ACER3: variants seen among roughly 807,000 people sequenced by gnomAD.
The protein encoded by ACER3 is alkaline ceramidase 3.
ACER3 carries 16 observed loss-of-function variants against 48.9 expected under a neutral mutation model. That is an observed-to-expected ratio of 0.33 (90% CI 0.22 to 0.50). The LOEUF is 0.50. Among genes scored for constraint, ACER3 ranks in the 20% least tolerant of loss-of-function variants. The probability of loss-of-function intolerance (pLI) is 0.98; values close to 1 mark genes in which losing one functional copy is unlikely to be tolerated. For synonymous variants in ACER3, 109 were observed against 107.8 expected (o/e 1.01, Z -0.07); for missense variants, 227 against 326.0 (o/e 0.70, Z 2.34).
intron 1 of ACER3, among the ~76,000 whole-genome samples, chr11:76,892,239 C>G (rs2134626117): frequency 6.6e-6 from 1 of 152,214 alleles, no homozygotes; most frequent in East Asian, 1.9e-4. Context: ...AATAAAGTCA[C>G]TAGTATGGTT....
intron 7 of ACER3, among the ~76,000 whole-genome samples, chr11:77,011,130 G>A (rs782600989): frequency 3.9e-5 from 6 of 152,170 alleles, no homozygotes; most frequent in Non-Finnish European, 5.9e-5. Flanking sequence ...AGACAGGCAG[G>A]CAGTCCAGAA....
chr11:76,883,412 G>A (rs1317007368), intron 1 of ACER3, among the ~76,000 whole-genome samples: 4 of 140,636 alleles, frequency 2.8e-5, no homozygotes, highest in South Asian at 2.3e-4. Flanking sequence ...TCATTTTGGC[G>A]TTGCTTCTTT....
At chr11:76,971,350 G>T (rs1451876009) in intron 3 of ACER3, among the ~76,000 whole-genome samples, 1 of 152,030 alleles carries the variant, frequency 6.6e-6, no homozygotes, top group Non-Finnish European at 1.5e-5. Flanking sequence ...GACCATCCTG[G>T]CCAACATGGT....
At chr11:76,958,934 C>T in intron 2 of ACER3, 45 bp from the exon 3 acceptor site, 1 of 1,600,660 alleles carries the variant, frequency 6.2e-7, no homozygotes, top group South Asian at 1.1e-5. Flanking sequence ...ACTGTCCACG[C>T]ACAAAGAATT....
intron 7 of ACER3, among the ~76,000 whole-genome samples, chr11:77,000,998 G>T (rs1555019671): frequency 6.6e-6 from 1 of 152,216 alleles, no homozygotes; most frequent in Non-Finnish European, 1.5e-5. Flanking sequence ...ATATCAATTT[G>T]CAGAGCTGAC....
chr11:76,891,529 G>A (rs1156963987), intron 1 of ACER3, among the ~76,000 whole-genome samples: 1 of 152,098 alleles, frequency 6.6e-6, no homozygotes, highest in Non-Finnish European at 1.5e-5. Flanking sequence ...TCTGAGTTAT[G>A]TGAGCCATTA....
At chr11:77,019,672 C>T in intron 9 of ACER3, 59 bp from the exon 10 acceptor site, 2 of 1,533,734 alleles carry the variant, frequency 1.3e-6, no homozygotes, top group Non-Finnish European at 1.8e-6. Flanking sequence ...GTCAGTACGC[C>T]AGTTTGCATG....
At chr11:76,899,883 A>G (rs896224806) in intron 1 of ACER3, among the ~76,000 whole-genome samples, 23 of 152,226 alleles carry the variant, frequency 1.5e-4, no homozygotes, top group Admixed American at 1.4e-3. Flanking sequence ...ATTCATGTAC[A>G]ATTTTGACTT....
intron 3 of ACER3, among the ~76,000 whole-genome samples, chr11:76,976,058 A>T (rs897480072): frequency 6.0e-5 from 9 of 151,186 alleles, no homozygotes; most frequent in South Asian, 2.1e-4. Context: ...GATTTTTTTT[A>T]AAAGTTTTTG....
intron 1 of ACER3, among the ~76,000 whole-genome samples, chr11:76,910,179 C>T (rs1018698318): frequency 5.9e-5 from 9 of 151,760 alleles, no homozygotes; most frequent in Non-Finnish European, 1.0e-4. Flanking sequence ...TGTAGATGAC[C>T]GGTTGATAGG....
intron 7 of ACER3, among the ~76,000 whole-genome samples, chr11:77,007,347 A>G (rs531022477): frequency 6.6e-6 from 1 of 152,192 alleles, no homozygotes; most frequent in African/African-American, 2.4e-5. Flanking sequence ...ATCTTTTGTT[A>G]TAGTCCCACA....
chr11:77,007,855 A>G (rs1199014059), intron 7 of ACER3, among the ~76,000 whole-genome samples: 2 of 152,164 alleles, frequency 1.3e-5, no homozygotes, highest in East Asian at 3.9e-4. Context: ...CCTTTGTTGC[A>G]TGAGTCGGAA....
chr11:76,940,337 G>A (rs943612973), intron 2 of ACER3, among the ~76,000 whole-genome samples: 16 of 152,000 alleles, frequency 1.1e-4, no homozygotes, highest in African/African-American at 3.6e-4. Context: ...TTAATAATGC[G>A]TAAACCTAAT....
chr11:76,950,366 T>A (rs1349492926), intron 2 of ACER3, among the ~76,000 whole-genome samples: 3 of 15,676 alleles, frequency 1.9e-4, no homozygotes, highest in Non-Finnish European at 3.1e-4. Context: ...TATATATATA[T>A]ATATATATAT....
At chr11:76,872,480 T>C (rs1203302710) in intron 1 of ACER3, among the ~76,000 whole-genome samples, 1 of 152,162 alleles carries the variant, frequency 6.6e-6, no homozygotes, top group Non-Finnish European at 1.5e-5. Flanking sequence ...GGACTTTATG[T>C]TGGGAACTGG....
chr11:77,020,162 C>A, intron 10 of ACER3, 112 bp from the exon 11 acceptor site: 3 of 1,090,118 alleles, frequency 2.8e-6, no homozygotes, highest in Non-Finnish European at 4.1e-6. Context: ...AGGACAATCA[C>A]TAGCAAACCT....
At chr11:76,972,213 A>T (rs891301876) in intron 3 of ACER3, among the ~76,000 whole-genome samples, 42 of 152,298 alleles carry the variant, frequency 2.8e-4, no homozygotes, top group African/African-American at 1.0e-3. Flanking sequence ...CACCATTTAG[A>T]TTCCCACCAG....
chr11:76,964,042 G>T (rs1948071152), intron 3 of ACER3, among the ~76,000 whole-genome samples: 1 of 151,468 alleles, frequency 6.6e-6, no homozygotes, highest in Non-Finnish European at 1.5e-5. Flanking sequence ...AGTGCAAGGG[G>T]TCAGGGAATT....
At chr11:76,905,672 T>G (rs1946211255) in intron 1 of ACER3, among the ~76,000 whole-genome samples, 1 of 152,220 alleles carries the variant, frequency 6.6e-6, no homozygotes, top group African/African-American at 2.4e-5. Context: ...GGAAACAATC[T>G]AGAATGTTCA....
Sources: allele counts gnomAD v4.1 joint callset (sites outside exome capture counted in the v4.1 genomes callset), GRCh38; gene constraint gnomAD v4.1.1; transcripts MANE v1.5; gene names NCBI Gene and HGNC (gene_info 2026-07-23, HGNC 2026-07-21).